DDB1: variants seen among roughly 807,000 people sequenced by gnomAD.
The protein encoded by DDB1 is DNA damage-binding protein 1.
Under a neutral mutation model 133.1 loss-of-function variants are expected in DDB1, and 18 were observed. That is an observed-to-expected ratio of 0.14 (90% CI 0.09 to 0.20). The LOEUF (loss-of-function observed/expected upper bound fraction) is 0.20. Among genes scored for constraint, DDB1 ranks in the 10% least tolerant of loss-of-function variants. The probability of loss-of-function intolerance (pLI) is 1.00; values close to 1 mark genes in which losing one functional copy is unlikely to be tolerated. For synonymous variants in DDB1, 580 were observed against 550.5 expected (o/e 1.05, Z -0.75); for missense variants, 828 against 1,459.2 (o/e 0.57, Z 7.05).
Position 61,330,147 on chromosome 11 carries a change from ACCAAATTCTTTAAGAATTTT to A in DDB1, c.211-93_211-74del, listed in dbSNP as rs201870067. 3.7e-3 allele frequency: 4,698 copies of A among 1,253,026 alleles called. 128 individuals are homozygous for A. In the East Asian group the frequency reaches 0.071, roughly 19 times the overall value. The allele number at this position is 1,253,026 out of a possible 1,614,324, so 77.6% of individuals were successfully genotyped here. ...AACAACCTGTCCAGTCTTTAAGCAC[ACCAAATTCTTTAAGAATTTT>A]CCAAATTCTTCTCTCCCTAAAGAGA... On this transcript the variant is annotated intron_variant, in intron 2 of 26. Coordinates refer to ENST00000301764, the MANE Select transcript of DDB1 (RefSeq NM_001923.5).
Position 61,309,945 on chromosome 11 carries a change from T to G in DDB1, c.2417A>C (p.Gln806Pro). 1 of 1,614,206 alleles carries G rather than the reference T, an allele frequency of 6.2e-7. No individual in the cohort carries two copies. The change falls in exon 20 of 27, where the codon CAG (glutamine) becomes CCG (proline). Residue 806 changes from glutamine (Q) to proline (P), a missense_variant. This residue lies in a region of DDB1 where 396 missense variants were observed against 554.1 expected (regional missense o/e 0.71). Transcript: ENST00000301764. ...GAGGGCATATTCATTCTGCAGAAACTGGTGGGCATGAAGCACTAGAGAGTA... is the reference window on the plus strand; with the variant it reads ...GAGGGCATATTCATTCTGCAGAAACGGGTGGGCATGAAGCACTAGAGAGTA... ...QHTFEVLHAH[Q>P]FLQNEYALSL...
Position 61,303,716 on chromosome 11 carries a change from A to AAC in DDB1, c.2832+148_2832+149insGT, listed in dbSNP as rs1301141379. On this transcript the variant is annotated intron_variant, in intron 22 of 26. Transcript: ENST00000301764. ...ACTGCGTCTCAAAAAAAAAAAAAAAAAAAAAAAACTTAATCAATGTAGAAT... is the reference window on the plus strand; with the variant it reads ...ACTGCGTCTCAAAAAAAAAAAAAAAAACAAAAAAAACTTAATCAATGTAGAAT... The AAC allele has an allele frequency of 1.9e-5, 18 of 933,576 alleles. No homozygotes were observed. In the African/African-American group the frequency reaches 2.7e-4, roughly 14 times the overall value. 57.8% of individuals were successfully genotyped at this position (933,576 alleles called of 1,614,324 possible). A position where few individuals can be genotyped will look rare whatever the true frequency, so the allele number is the denominator to read the frequency against.
At chr11:61,325,580 T>C (rs1408093979) in intron 6 of DDB1, 31 bp downstream of exon 6, 1 of 1,581,672 alleles carries the variant, frequency 6.3e-7, no homozygotes, top group Non-Finnish European at 8.7e-7. Flanking sequence ...AAAGAAAAGA[T>C]GAAAGGAAAA....
rs148402918 is a variant in DDB1 at position 61,330,175 on chromosome 11, C to A, written c.211-101G>T. The stretch of plus-strand genomic sequence containing the variant: ...AAATTCTTTAAGAATTTTCCAAATT[C>A]TTCTCTCCCTAAAGAGAAAATACAT... On this transcript the variant is annotated intron_variant, in intron 2 of 26. Coordinates refer to ENST00000301764, the MANE Select transcript of DDB1 (RefSeq NM_001923.5). The A allele has an allele frequency of 6.6e-4, 590 of 897,466 alleles. 4 individuals are homozygous for A. The African/African-American group carries it at 8.0e-3, about 12-fold the overall frequency. The allele number at this position is 897,466 out of a possible 1,614,324, so 55.6% of individuals were successfully genotyped here. A position where few individuals can be genotyped will look rare whatever the true frequency, so the allele number is the denominator to read the frequency against.
intron 6 of DDB1, among the ~76,000 whole-genome samples, chr11:61,324,676 T>C (rs1856240809): frequency 6.6e-6 from 1 of 152,204 alleles, no homozygotes; most frequent in Non-Finnish European, 1.5e-5. Flanking sequence ...CTTGCCACTG[T>C]AGCCAGCTAG....
At chr11:61,328,962 A>G (rs1459379305) in intron 4 of DDB1, among the ~76,000 whole-genome samples, 3 of 152,228 alleles carry the variant, frequency 2.0e-5, no homozygotes, top group Admixed American at 6.5e-5. Context: ...AAAAACACAT[A>G]TAAGGCATCA....
At chr11:61,302,052 A>G (rs1359724051) in intron 25 of DDB1, 14 of 480,672 alleles carry the variant, frequency 2.9e-5, no homozygotes, top group South Asian at 1.8e-4. Context: ...AAGCTAGGTG[A>G]TAAGTACTTT....
In DDB1 at chr11:61,313,552, G is replaced by A. The variant is rs1385900800; in HGVS notation, c.2016C>T (p.Asn672=). Residue 672 remains asparagine, a synonymous_variant, in exon 16 of 27, where the codon AAC becomes AAT. Coordinates refer to ENST00000301764, the MANE Select transcript of DDB1 (RefSeq NM_001923.5). ...SNHKLVFSNV[N]LKEVNYMCPL... is the part of the protein sequence containing the mutation. Reference sequence around the variant, plus strand: ...GACACATGTAGTTCACTTCCTTGAGGTTGACATTTGAGAAGACCAATTTGT... The same window carrying A: ...GACACATGTAGTTCACTTCCTTGAGATTGACATTTGAGAAGACCAATTTGT... 2 of 1,614,072 alleles carry A rather than the reference G, an allele frequency of 1.2e-6. No homozygotes were observed. Among genetic ancestry groups the A allele is most frequent in the African/African-American group, 2.7e-5 (2 of 74,924 alleles).
At chr11:61,317,206 C>A (rs1184298608) in intron 10 of DDB1, among the ~76,000 whole-genome samples, 1 of 151,790 alleles carries the variant, frequency 6.6e-6, no homozygotes, top group African/African-American at 2.4e-5. Context: ...CTCCACCTCC[C>A]GGGTTCACAC....
chr11:61,302,172 G>A, intron 25 of DDB1, 85 bp downstream of exon 25: 2 of 1,173,854 alleles, frequency 1.7e-6, no homozygotes, highest in Non-Finnish European at 2.6e-6. Flanking sequence ...ATCAAGACAT[G>A]TAGTAGCTTC....
chr11:61,302,041 G>A, intron 25 of DDB1: 1 of 457,462 alleles, frequency 2.2e-6, no homozygotes, highest in Non-Finnish European at 4.0e-6. Flanking sequence ...TGGACCAGCG[G>A]AAGCTAGGTG....
At position 61,325,769 on chromosome 11, in the gene DDB1, G is replaced by A. The variant is rs747634054; in HGVS notation, c.665-61C>T. 7 of 1,377,720 alleles carry A rather than the reference G, an allele frequency of 5.1e-6. No individual in the cohort carries two copies. The African/African-American group carries it at 9.9e-5, about 19-fold the overall frequency. 85.3% of individuals were successfully genotyped at this position (1,377,720 alleles called of 1,614,324 possible). A position where few individuals can be genotyped will look rare whatever the true frequency, so the allele number is the denominator to read the frequency against. Reference sequence around the variant, plus strand: ...CTCTGGGTCTGCCAAACCAGGACTGGCAAAAGTACAGGTCTAGTTAGCCCC... The same window carrying A: ...CTCTGGGTCTGCCAAACCAGGACTGACAAAAGTACAGGTCTAGTTAGCCCC... On this transcript the variant is annotated intron_variant, in intron 5 of 26. Transcript: ENST00000301764.
chr11:61,330,103 A>T, intron 2 of DDB1, 29 bp from the exon 3 acceptor site: 1 of 1,577,228 alleles, frequency 6.3e-7, no homozygotes, highest in Non-Finnish European at 8.7e-7. Flanking sequence ...CTATCAAAAG[A>T]GGTTCTTTTT....
At chr11:61,326,312 GTTTT>G (rs1856269233) in intron 5 of DDB1, 1 of 231,500 alleles carries the variant, frequency 4.3e-6, no homozygotes, top group Non-Finnish European at 8.5e-6. Flanking sequence ...CTCCCTTTCA[GTTTT>G]TTGTTGTTGT....
At chr11:61,300,962 T>C in intron 25 of DDB1, 30 bp from the exon 26 acceptor site, 1 of 1,613,164 alleles carries the variant, frequency 6.2e-7, no homozygotes, top group Non-Finnish European at 8.5e-7. Context: ...AACACGTGCT[T>C]ATCAGGAAAC....
At chr11:61,302,898 T>G in intron 23 of DDB1, 147 bp from the exon 24 acceptor site, 1 of 1,280,080 alleles carries the variant, frequency 7.8e-7, no homozygotes, top group Non-Finnish European at 1.1e-6. Flanking sequence ...AGAGGTGGAT[T>G]TCTGTCACCT....
In DDB1 at chr11:61,310,288, T is replaced by C. The variant is rs769737920; in HGVS notation, c.2401+7A>G. The C allele has an allele frequency of 9.3e-6, 15 of 1,606,890 alleles. No individual in the cohort carries two copies. Among genetic ancestry groups the C allele is most frequent in the African/African-American group, 1.3e-5 (1 of 74,616 alleles). On this transcript the variant is annotated splice_region_variant and intron_variant, in intron 19 of 26. Coordinates refer to ENST00000301764, the MANE Select transcript of DDB1 (RefSeq NM_001923.5). ...AGATAAAAATTATCGAAAGAGCTCATGTGCACCTTCAAAGGTGTGTTGGTC... is the reference window on the plus strand; with the variant it reads ...AGATAAAAATTATCGAAAGAGCTCACGTGCACCTTCAAAGGTGTGTTGGTC...
At chr11:61,329,843 TCTTCTC>T in intron 3 of DDB1, 109 bp downstream of exon 3, 1 of 947,274 alleles carries the variant, frequency 1.1e-6, no homozygotes, top group Non-Finnish European at 1.6e-6. Context: ...ACCCATAGTG[TCTTCTC>T]CTTATTTCTC....
Position 61,304,039 on chromosome 11 carries a change from G to C in DDB1, c.2662-4C>G, listed in dbSNP as rs766529584. 1 of 1,613,552 alleles carries C rather than the reference G, an allele frequency of 6.2e-7. No homozygotes were observed. Among genetic ancestry groups the C allele is most frequent in the African/African-American group, 1.3e-5 (1 of 74,900 alleles). ...TTGTCCACTCATAGAGCCGCACCTGGGAAGGGCATTGTCTCTCTCAGCCAA... is the reference window on the plus strand; with the variant it reads ...TTGTCCACTCATAGAGCCGCACCTGCGAAGGGCATTGTCTCTCTCAGCCAA... On this transcript the variant is annotated splice_region_variant and splice_polypyrimidine_tract_variant and intron_variant, in intron 21 of 26. Coordinates refer to ENST00000301764, the MANE Select transcript of DDB1 (RefSeq NM_001923.5).
Sources: allele counts gnomAD v4.1 joint callset (sites outside exome capture counted in the v4.1 genomes callset), GRCh38; gene constraint gnomAD v4.1.1; regional missense constraint gnomAD v4.1.1; transcripts MANE v1.5; gene names NCBI Gene and HGNC (gene_info 2026-07-23, HGNC 2026-07-21).